Variants in DNAJC24 observed in about 807,000 individuals in gnomAD.
DNAJC24 encodes the protein dnaJ homolog subfamily C member 24.
Under a neutral mutation model 18.0 loss-of-function variants are expected in DNAJC24, and 17 were observed. The ratio of observed to expected loss-of-function variants is 0.94; its 90% CI spans 0.65 to 1.42. DNAJC24 has a LOEUF of 1.42. Ranked by LOEUF, DNAJC24 falls within the 40% of genes most tolerant of loss-of-function variation. DNAJC24 has a pLI of 0.00. For missense variants in DNAJC24, 158 were observed against 175.6 expected, an observed-to-expected ratio of 0.90 and a Z score of 0.57; for synonymous variants, 55 against 57.7, an observed-to-expected ratio of 0.95 and a Z score of 0.21.
chr11:31,410,979 T>C (rs1234711877), intron 2 of DNAJC24, among the ~76,000 whole-genome samples: 1 of 152,130 alleles, frequency 6.6e-6, no homozygotes, highest in Non-Finnish European at 1.5e-5. Context: ...ATTTGATAGG[T>C]GAATGAATGA....
At chr11:31,412,450 A>G (rs566449083) in intron 2 of DNAJC24, among the ~76,000 whole-genome samples, 1 of 152,302 alleles carries the variant, frequency 6.6e-6, no homozygotes, top group South Asian at 2.1e-4. Flanking sequence ...ATATAATAAC[A>G]TTTACTTATA....
At chr11:31,383,036 G>C (rs531452669) in intron 2 of DNAJC24, among the ~76,000 whole-genome samples, 10 of 152,282 alleles carry the variant, frequency 6.6e-5, no homozygotes, top group Admixed American at 5.9e-4. Flanking sequence ...TAAATGAAGA[G>C]ATCCATAGGG....
intron 4 of DNAJC24, among the ~76,000 whole-genome samples, chr11:31,429,225 TAA>T (rs35395087): frequency 0.021 from 2,848 of 137,948 alleles, 75 homozygotes; most frequent in African/African-American, 0.07. Flanking sequence ...CCTTACTGAT[TAA>T]AAAAAAAAAA....
Position 31,432,622 on chromosome 11 carries a change from C to G in DNAJC24, c.*2221C>G. 6 of 1,139,864 alleles carry G rather than the reference C, an allele frequency of 5.3e-6. No homozygotes were observed. The highest frequency in any genetic ancestry group is 6.7e-6 in the Non-Finnish European group (5 of 748,180). 70.6% of individuals were successfully genotyped at this position (1,139,864 alleles called of 1,614,324 possible). On this transcript the variant is annotated 3_prime_UTR_variant, in exon 5 of 5. Transcript: ENST00000465995. Reference sequence around the variant, plus strand: ...ATTAGTGAAAGTAATGTTATAGTATCATCATATTCCCTTTTGCTATCTGTC... The same window carrying G: ...ATTAGTGAAAGTAATGTTATAGTATGATCATATTCCCTTTTGCTATCTGTC...
intron 3 of DNAJC24, chr11:31,415,709 G>T (rs947676542): frequency 6.6e-6 from 1 of 152,226 alleles, no homozygotes; most frequent in South Asian, 2.1e-4. Context: ...GTTACAGCCT[G>T]TGGGGAAAAC....
intron 3 of DNAJC24, chr11:31,416,846 T>C (rs949143232): frequency 2.6e-5 from 4 of 152,158 alleles, no homozygotes; most frequent in African/African-American, 9.7e-5. Context: ...ATTCATGCCT[T>C]TTTCATTGTC....
intron 2 of DNAJC24, among the ~76,000 whole-genome samples, chr11:31,382,130 T>C (rs567197605): frequency 3.1e-4 from 47 of 152,266 alleles, no homozygotes; most frequent in African/African-American, 1.1e-3. Context: ...TTTTAAGTAC[T>C]GGTATCTGAT....
intron 2 of DNAJC24, among the ~76,000 whole-genome samples, chr11:31,395,849 T>A (rs1354932443): frequency 6.6e-6 from 1 of 152,214 alleles, no homozygotes; most frequent in African/African-American, 2.4e-5. Flanking sequence ...TTTTCTGGGA[T>A]CACAAGATTT....
At chr11:31,371,406 T>G (rs894511127) in intron 2 of DNAJC24, among the ~76,000 whole-genome samples, 1 of 152,240 alleles carries the variant, frequency 6.6e-6, no homozygotes, top group African/African-American at 2.4e-5. Flanking sequence ...GCTGATAAAC[T>G]TCTTAAAAGA....
At chr11:31,415,430 G>T (rs1175452399) in intron 3 of DNAJC24, 1 of 152,092 alleles carries the variant, frequency 6.6e-6, no homozygotes, top group African/African-American at 2.4e-5. Context: ...CCTTGTGATT[G>T]GTATAAATGA....
At chr11:31,381,775 C>T (rs977233069) in intron 2 of DNAJC24, among the ~76,000 whole-genome samples, 5 of 151,940 alleles carry the variant, frequency 3.3e-5, no homozygotes, top group Non-Finnish European at 5.9e-5. Flanking sequence ...CGGGGTTTCA[C>T]CATGTTCGCC....
intron 3 of DNAJC24, among the ~76,000 whole-genome samples, chr11:31,424,074 G>A (rs1203821264): frequency 1.3e-5 from 2 of 152,180 alleles, no homozygotes; most frequent in Admixed American, 1.3e-4. Flanking sequence ...TAGATTGGCA[G>A]TTGTATTTGC....
At chr11:31,394,864 A>G (rs1395653934) in intron 2 of DNAJC24, among the ~76,000 whole-genome samples, 1 of 152,220 alleles carries the variant, frequency 6.6e-6, no homozygotes, top group Non-Finnish European at 1.5e-5. Context: ...ATGCATTAAA[A>G]TACAAAAAAA....
chr11:31,407,511 C>T (rs1027736432), intron 2 of DNAJC24: 2 of 150,984 alleles, frequency 1.3e-5, no homozygotes, highest in Non-Finnish European at 3.0e-5. Flanking sequence ...ATATGGAAAC[C>T]TCATCTCTAC....
intron 3 of DNAJC24, among the ~76,000 whole-genome samples, chr11:31,424,477 A>G (rs17705526): frequency 0.037 from 5,561 of 152,264 alleles, 114 homozygotes; most frequent in Non-Finnish European, 0.051. Context: ...ACTCATGAAA[A>G]TTTTAGAAGA....
At chr11:31,414,307 A>T (rs1952734929) in intron 2 of DNAJC24, among the ~76,000 whole-genome samples, 1 of 152,188 alleles carries the variant, frequency 6.6e-6, no homozygotes, top group African/African-American at 2.4e-5. Context: ...CTGGGGAAGA[A>T]GATGAAAGTT....
chr11:31,374,170 C>T, intron 2 of DNAJC24: 1 of 371,264 alleles, frequency 2.7e-6, no homozygotes. Context: ...TTGCCTTGTT[C>T]CTGATTTTAA....
chr11:31,388,482 G>GA (rs1952453690), intron 2 of DNAJC24, among the ~76,000 whole-genome samples: 1 of 151,914 alleles, frequency 6.6e-6, no homozygotes, highest in East Asian at 1.9e-4. Flanking sequence ...AGTGCTGAAG[G>GA]AAAAAAATCT....
At chr11:31,414,280 CTT>C (rs1952734686) in intron 2 of DNAJC24, among the ~76,000 whole-genome samples, 1 of 152,182 alleles carries the variant, frequency 6.6e-6, no homozygotes, top group Non-Finnish European at 1.5e-5. Context: ...GGATTTATAA[CTT>C]TATAATCTTC....
Sources: allele counts gnomAD v4.1 joint callset (sites outside exome capture counted in the v4.1 genomes callset), GRCh38; gene constraint gnomAD v4.1.1; transcripts MANE v1.5; gene names NCBI Gene and HGNC (gene_info 2026-07-23, HGNC 2026-07-21).